EN1: variants seen among roughly 807,000 people sequenced by gnomAD.
The protein encoded by EN1 is homeobox protein engrailed-1.
Under a neutral mutation model 22.9 loss-of-function variants are expected in EN1, and 8 were observed. That is an observed-to-expected ratio of 0.35 (90% CI 0.20 to 0.63). The LOEUF is 0.63. Among genes scored for constraint, EN1 ranks in the 20% least tolerant of loss-of-function variants. The pLI is 0.73. For synonymous variants in EN1, 287 were observed against 262.5 expected, an observed-to-expected ratio of 1.09 and a Z score of -0.90; for missense variants, 521 against 572.1, an observed-to-expected ratio of 0.91 and a Z score of 0.91.
Position 118,846,178 on chromosome 2 carries a change from G to A in EN1, c.862+128C>T, listed in dbSNP as rs77975317. ...ACATTCGGTTGTGACTGGAACTGGG[G>A]TGAGGAAGCAGGCGTGAGAGACTGG... On this transcript the variant is annotated intron_variant, in intron 1 of 1. Coordinates refer to ENST00000295206, the MANE Select transcript of EN1 (RefSeq NM_001426.4). The surrounding 1 kb of genome is among the most constrained non-coding windows in gnomAD (Gnocchi z 5.0). The A allele has an allele frequency of 9.2e-4, 1,291 of 1,397,782 alleles. 11 individuals are homozygous for A. The African/African-American group carries it at 0.017, about 18-fold the overall frequency. The allele number at this position is 1,397,782 out of a possible 1,614,324, so 86.6% of individuals were successfully genotyped here.
chr2:118,842,917 C>A lies in EN1; in HGVS notation c.*21G>T, dbSNP rs778104466. ...CGGCGGTGCCGGGAGGGGGCGCGGG[C>A]GCGGCCCCGGCCTGTGGCGGCTACT... On this transcript the variant is annotated 3_prime_UTR_variant, in exon 2 of 2. Transcript: ENST00000295206. 1.3e-6 allele frequency: 2 copies of A among 1,585,600 alleles called. No individual in the cohort carries two copies. The highest frequency in any genetic ancestry group is 1.1e-5 in the South Asian group (1 of 88,770).
chr2:118,846,544 T>C lies in EN1; in HGVS notation c.624A>G (p.Ala208=), dbSNP rs1558801287. 4 of 1,189,510 alleles carry C rather than the reference T, an allele frequency of 3.4e-6. No homozygotes were observed. The highest frequency in any genetic ancestry group is 4.1e-5 in the South Asian group (1 of 24,204). 73.7% of individuals were successfully genotyped at this position (1,189,510 alleles called of 1,614,324 possible). ...PAAAAAAAAA[A]VAAAAAAAAA... is the part of the protein sequence containing the mutation. ...CTGCGGCCGCCGCCGCCGCCGCCACTGCCGCCGCGGCCGCCGCCGCCGCCG... is the reference window on the plus strand; with the variant it reads ...CTGCGGCCGCCGCCGCCGCCGCCACCGCCGCCGCGGCCGCCGCCGCCGCCG... The change falls in exon 1 of 2, where the codon GCA becomes GCG. Residue 208 remains alanine (A), a synonymous_variant. Transcript: ENST00000295206. This position sits in a 1 kb window ranked among gnomAD's most constrained non-coding sequence, Gnocchi z 5.0.
chr2:118,844,027 C>T (rs1021686628), intron 1 of EN1: 1 of 152,198 alleles, frequency 6.6e-6, no homozygotes, highest in African/African-American at 2.4e-5. Flanking sequence ...GATCCATCCT[C>T]ATGACCCTGG....
rs1678265430 is a variant in EN1 at position 118,846,213 on chromosome 2, G to T, written c.862+93C>A. On this transcript the variant is annotated intron_variant, in intron 1 of 1. Transcript: ENST00000295206. This position sits in a 1 kb window ranked among gnomAD's most constrained non-coding sequence, Gnocchi z 5.0. ...AGGCGTGAGAGACTGGAGTACCCGA[G>T]GCCGGGTTTGCTCTCCCTAGCGCCG... is the stretch of plus-strand genomic sequence containing the variant. 2 of 1,519,304 alleles carry T rather than the reference G, an allele frequency of 1.3e-6. No individual in the cohort carries two copies. The highest frequency in any genetic ancestry group is 4.1e-5 in the Admixed American group (2 of 48,470). The allele number at this position is 1,519,304 out of a possible 1,614,324, so 94.1% of individuals were successfully genotyped here.
At position 118,847,184 on chromosome 2, in the gene EN1, G is replaced by T. The variant is rs1340870214; in HGVS notation, c.-17C>A. 38 of 773,788 alleles carry T rather than the reference G, an allele frequency of 4.9e-5. 1 individual carries two copies. In the East Asian group the frequency reaches 7.1e-4, roughly 15 times the overall value. 47.9% of individuals were successfully genotyped at this position (773,788 alleles called of 1,614,324 possible). ...TTCTTCCATGCTCGGCCGCCCCGCC[G>T]CCCCGGCCGCCGCGCCGGCCCCCGC... On this transcript the variant is annotated 5_prime_UTR_variant, in exon 1 of 2. Transcript: ENST00000295206.
chr2:118,845,569 G>A (rs1006439421), intron 1 of EN1, among the ~76,000 whole-genome samples: 4 of 152,210 alleles, frequency 2.6e-5, no homozygotes, highest in African/African-American at 7.2e-5. Context: ...GAGGAAACTG[G>A]CTCTCATGCC....
rs1335302133 is a variant in EN1, at chr2:118,842,609, T to A, written c.*329A>T. ...CAGCAAATAGAGATCGCTACACGTA[T>A]GTGTTTTCCTTACCTGAAATTAAAT... On this transcript the variant is annotated 3_prime_UTR_variant, in exon 2 of 2. Transcript: ENST00000295206. 5.0e-6 allele frequency: 1 copy of A among 198,528 alleles called. No individual in the cohort carries two copies. The highest frequency in any genetic ancestry group is 1.2e-4 in the East Asian group (1 of 8,558). The allele number at this position is 198,528 out of a possible 1,614,324, so 12.3% of individuals were successfully genotyped here.
Position 118,842,726 on chromosome 2 carries a change from T to G in EN1, c.*212A>C, listed in dbSNP as rs1448781742. The G allele has an allele frequency of 1.1e-6, 1 of 875,506 alleles. No individual in the cohort carries two copies. Among genetic ancestry groups the G allele is most frequent in the Non-Finnish European group, 1.7e-6 (1 of 603,968 alleles). 54.2% of individuals were successfully genotyped at this position (875,506 alleles called of 1,614,324 possible). A position where few individuals can be genotyped will look rare whatever the true frequency, so the allele number is the denominator to read the frequency against. ...CTGGGAATAGAGAATGGATCTTATT[T>G]TTCGATAGCACCTGTCCGAGTCTTT... On this transcript the variant is annotated 3_prime_UTR_variant, in exon 2 of 2. Coordinates refer to ENST00000295206, the MANE Select transcript of EN1 (RefSeq NM_001426.4).
At chr2:118,843,334 C>G (rs554701340) in intron 1 of EN1, 80 bp from the exon 2 acceptor site, 8 of 1,192,214 alleles carry the variant, frequency 6.7e-6, no homozygotes, top group South Asian at 1.5e-5. Context: ...CAAAGGAAGC[C>G]GTGAGAATAG....
In EN1 at chr2:118,842,907, G is replaced by GGGGCGC. The variant is rs1343486504; in HGVS notation, c.*25_*30dup. The GGGGCGC allele has an allele frequency of 3.2e-6, 5 of 1,582,124 alleles. No individual in the cohort carries two copies. Among genetic ancestry groups the GGGGCGC allele is most frequent in the African/African-American group, 2.7e-5 (2 of 73,928 alleles). ...GAGACGACGGCGGCGGTGCCGGGAG[G>GGGGCGC]GGGCGCGGGCGCGGCCCCGGCCTGT... On this transcript the variant is annotated 3_prime_UTR_variant, in exon 2 of 2. Coordinates refer to ENST00000295206, the MANE Select transcript of EN1 (RefSeq NM_001426.4).
Position 118,846,706 on chromosome 2 carries a change from G to A in EN1, c.462C>T (p.Asp154=), listed in dbSNP as rs1363823567. The change falls in exon 1 of 2, where the codon GAC becomes GAT. Residue 154 remains aspartate, a synonymous_variant. Transcript: ENST00000295206. This position sits in a 1 kb window ranked among gnomAD's most constrained non-coding sequence, Gnocchi z 5.0. ...RDRGQTAAGR[D]PVHPLGTRAP... ...CCCGGGTGCCCAACGGGTGGACAGG[G>A]TCTCTACCTGCGGCAGTCTGGCCTC... 13 of 1,591,062 alleles carry A rather than the reference G, an allele frequency of 8.2e-6. No individual in the cohort carries two copies. Among genetic ancestry groups the A allele is most frequent in the Non-Finnish European group, 1.0e-5 (12 of 1,176,448 alleles).
In EN1 at chr2:118,846,683, C is replaced by A. The variant is rs777551857; in HGVS notation, c.485G>T (p.Arg162Leu). 1 of 1,582,570 alleles carries A rather than the reference C, an allele frequency of 6.3e-7. No individual in the cohort carries two copies. The highest frequency in any genetic ancestry group is 1.7e-5 in the Admixed American group (1 of 58,112). ...CAGGAGCGAGGCAGCGCCTGGCGCC[C>A]GGGTGCCCAACGGGTGGACAGGGTC... Reference protein sequence around the residue: ...GRDPVHPLGTRAPGAASLLCA... With the variant: ...GRDPVHPLGTLAPGAASLLCA... Residue 162 changes from arginine to leucine, a missense_variant, in exon 1 of 2, where the codon CGG (arginine) becomes CTG (leucine). Arg to Leu is a moderately radical substitution (Grantham distance 102). Coordinates refer to ENST00000295206, the MANE Select transcript of EN1 (RefSeq NM_001426.4). The surrounding 1 kb of genome is among the most constrained non-coding windows in gnomAD (Gnocchi z 5.0).
In EN1 at chr2:118,843,274, C is replaced by CG; in HGVS notation, c.863-21dup. 1.6e-5 allele frequency: 1 copy of CG among 61,664 alleles called. No individual in the cohort carries two copies. The highest frequency in any genetic ancestry group is 1.2e-4 in the South Asian group (1 of 8,554). The allele number at this position is 61,664 out of a possible 1,614,324, so 3.8% of individuals were successfully genotyped here. A position where few individuals can be genotyped will look rare whatever the true frequency, so the allele number is the denominator to read the frequency against. On this transcript the variant is annotated intron_variant, in intron 1 of 1. Transcript: ENST00000295206. Reference sequence around the variant, plus strand: ...GCGGACCTGCAGCGGCGGAGAGGGCCGGGGTGGGGTGGGGGTGGGGACCGA... The same window carrying CG: ...GCGGACCTGCAGCGGCGGAGAGGGCCGGGGGTGGGGTGGGGGTGGGGACCGA...
chr2:118,847,210 C>T lies in EN1; in HGVS notation c.-43G>A. The T allele has an allele frequency of 1.7e-6, 1 of 597,988 alleles. No homozygotes were observed. The highest frequency in any genetic ancestry group is 2.6e-6 in the Non-Finnish European group (1 of 386,950). The allele number at this position is 597,988 out of a possible 1,614,324, so 37.0% of individuals were successfully genotyped here. A position where few individuals can be genotyped will look rare whatever the true frequency, so the allele number is the denominator to read the frequency against. ...CCCCGGCCGCCGCGCCGGCCCCCGC[C>T]CCCACCGCCTCGCTCCCCACCCCAC... On this transcript the variant is annotated 5_prime_UTR_variant, in exon 1 of 2. Coordinates refer to ENST00000295206, the MANE Select transcript of EN1 (RefSeq NM_001426.4).
rs1678214864 is a variant in EN1 at position 118,842,957 on chromosome 2, TCCTGGA to T, written c.1154_1159del (p.Val385_Gln386del). The T allele has an allele frequency of 6.2e-7, 1 of 1,613,468 alleles. No homozygotes were observed. The highest frequency in any genetic ancestry group is 1.3e-5 in the African/African-American group (1 of 74,910). On this transcript the variant is annotated inframe_deletion, in exon 2 of 2. Transcript: ENST00000295206. The stretch of plus-strand genomic sequence containing the variant: ...TGGCGGCTACTCGCTCTCGTCTTTG[TCCTGGA>T]CCGTGGTGGTGGAGTGGTTGTACAG...
chr2:118,847,054 G>A lies in EN1; in HGVS notation c.114C>T (p.Ser38=). Residue 38 remains serine, a synonymous_variant, in exon 1 of 2, where the codon AGC becomes AGT. Coordinates refer to ENST00000295206, the MANE Select transcript of EN1 (RefSeq NM_001426.4). ...TGTCTCCATCGCTGCCGCTGCCGCTGCTGCCGCTGGCGCCCGGACTGAGGC... is the reference window on the plus strand; with the variant it reads ...TGTCTCCATCGCTGCCGCTGCCGCTACTGCCGCTGGCGCCCGGACTGAGGC... ...SLSLSPGASG[S]SGSGSDGDSV... 7.1e-7 allele frequency: 1 copy of A among 1,416,758 alleles called. No individual in the cohort carries two copies. The allele number at this position is 1,416,758 out of a possible 1,614,324, so 87.8% of individuals were successfully genotyped here.
At position 118,846,237 on chromosome 2, in the gene EN1, C is replaced by T. The variant is rs1573317030; in HGVS notation, c.862+69G>A. ...AGGCCGGGTTTGCTCTCCCTAGCGCCGCAGCTTGGCGTTCTGGGGCGGTCC... is the reference window on the plus strand; with the variant it reads ...AGGCCGGGTTTGCTCTCCCTAGCGCTGCAGCTTGGCGTTCTGGGGCGGTCC... On this transcript the variant is annotated intron_variant, in intron 1 of 1. Transcript: ENST00000295206. The surrounding 1 kb of genome is among the most constrained non-coding windows in gnomAD (Gnocchi z 5.0). 5 of 1,557,606 alleles carry T rather than the reference C, an allele frequency of 3.2e-6. No individual in the cohort carries two copies. Among genetic ancestry groups the T allele is most frequent in the African/African-American group, 2.7e-5 (2 of 73,208 alleles).
Position 118,847,120 on chromosome 2 carries a change from G to T in EN1, c.48C>A (p.Leu16=). ...CCGGAGTCGCCGCCGCCGCCGCGCC[G>T]AGGGCCGAGTCGCGCTGACTTTTAG... The part of the protein sequence containing the change: ...PEPKSQRDSA[L]GAAAAATPGG... Residue 16 remains leucine, a synonymous_variant, in exon 1 of 2, where the codon CTC becomes CTA. Coordinates refer to ENST00000295206, the MANE Select transcript of EN1 (RefSeq NM_001426.4). The T allele has an allele frequency of 7.4e-7, 1 of 1,351,278 alleles. No homozygotes were observed. Among genetic ancestry groups the T allele is most frequent in the Non-Finnish European group, 9.8e-7 (1 of 1,023,498 alleles). The allele number at this position is 1,351,278 out of a possible 1,614,324, so 83.7% of individuals were successfully genotyped here.
rs755485466 is a variant in EN1, at chr2:118,846,265, G to C, written c.862+41C>G. 3.1e-6 allele frequency: 5 copies of C among 1,589,372 alleles called. No individual in the cohort carries two copies. In the African/African-American group the frequency reaches 5.4e-5, roughly 17 times the overall value. On this transcript the variant is annotated intron_variant, in intron 1 of 1. Transcript: ENST00000295206. This position sits in a 1 kb window ranked among gnomAD's most constrained non-coding sequence, Gnocchi z 5.0. The stretch of plus-strand genomic sequence containing the variant: ...AGCTTGGCGTTCTGGGGCGGTCCGC[G>C]GGGCCAGAAGGCATGGCGCAGCCCG...
Sources: allele counts gnomAD v4.1 joint callset (sites outside exome capture counted in the v4.1 genomes callset), GRCh38; gene constraint gnomAD v4.1.1; non-coding constraint Gnocchi (gnomAD v3.1); transcripts MANE v1.5; gene names NCBI Gene and HGNC (gene_info 2026-07-23, HGNC 2026-07-21).